Variants in FOXP1 observed in about 807,000 individuals in gnomAD.
FOXP1 encodes forkhead box P1, also known as forkhead box protein P1.
In FOXP1, 15 loss-of-function variants were observed where a neutral mutation model predicts 98.2. That is an observed-to-expected ratio of 0.15 (90% CI 0.10 to 0.24). FOXP1 has a LOEUF of 0.24. Among genes scored for constraint, FOXP1 ranks in the 10% least tolerant of loss-of-function variants. FOXP1 has a pLI of 1.00. For missense variants in FOXP1, 633 were observed against 848.5 expected (o/e 0.75, Z 3.15); for synonymous variants, 371 against 314.5 (o/e 1.18, Z -1.90).
At chr3:71,386,741 CAAA>C (rs5850010) in intron 3 of FOXP1, among the ~76,000 whole-genome samples, 2 of 90,972 alleles carry the variant, frequency 2.2e-5, no homozygotes, top group African/African-American at 4.7e-5. Flanking sequence ...GATTCCGTCT[CAAA>C]AAAAAAAAAA....
chr3:71,379,918 A>G (rs1376433093), intron 3 of FOXP1, among the ~76,000 whole-genome samples: 1 of 152,204 alleles, frequency 6.6e-6, no homozygotes, highest in Non-Finnish European at 1.5e-5. Context: ...AACTGATACT[A>G]TTTCTTTTAA....
At chr3:71,022,080 T>C (rs2045521976) in intron 11 of FOXP1, among the ~76,000 whole-genome samples, 1 of 152,218 alleles carries the variant, frequency 6.6e-6, no homozygotes, top group Non-Finnish European at 1.5e-5. Flanking sequence ...AAGAACTTTA[T>C]AGCTTTAGCT....
intron 11 of FOXP1, among the ~76,000 whole-genome samples, chr3:71,015,894 T>C (rs947526277): frequency 6.6e-6 from 1 of 152,232 alleles, no homozygotes; most frequent in Non-Finnish European, 1.5e-5. Context: ...TATGAAAAAG[T>C]GTTTGACAGG....
chr3:71,483,716 T>A (rs1166217934), intron 3 of FOXP1, among the ~76,000 whole-genome samples: 1 of 152,200 alleles, frequency 6.6e-6, no homozygotes, highest in Non-Finnish European at 1.5e-5. Flanking sequence ...CTAAAATGTT[T>A]ACTATCTGGC....
chr3:71,241,221 A>G (rs1409965195), intron 5 of FOXP1, among the ~76,000 whole-genome samples: 1 of 147,088 alleles, frequency 6.8e-6, no homozygotes, highest in Non-Finnish European at 1.5e-5. Flanking sequence ...AAAAAACAAA[A>G]CAAAACAAAA....
chr3:71,555,784 T>C (rs1273835500), intron 2 of FOXP1, among the ~76,000 whole-genome samples: 1 of 152,144 alleles, frequency 6.6e-6, no homozygotes, highest in Non-Finnish European at 1.5e-5. Flanking sequence ...TTAAAATCCA[T>C]TATAGAGAAG....
chr3:70,973,025 T>TCATAGTG (rs2036608336), intron 17 of FOXP1, among the ~76,000 whole-genome samples: 6 of 152,192 alleles, frequency 3.9e-5, no homozygotes, highest in Non-Finnish European at 1.5e-5. Flanking sequence ...AACTGCCCTT[T>TCATAGTG]TTAAGCCCAC....
At position 71,422,459 on chromosome 3, in the gene FOXP1, G is replaced by A. The variant is rs146606364; in HGVS notation, c.-167-63215C>T. 2.5e-3 allele frequency among the ~76,000 whole-genome samples: 381 copies of A among 152,290 alleles called. 2 individuals carry two copies. The highest frequency in any genetic ancestry group is 8.8e-3 in the African/African-American group (365 of 41,568). ...AACTCAGGTGATGCCGCGGCTGCTC[G>A]TTTGAGGACCACACTTTGAGCAGTG... On this transcript the variant is annotated intron_variant, in intron 3 of 20. Transcript: ENST00000649528.
intron 5 of FOXP1, among the ~76,000 whole-genome samples, chr3:71,221,650 T>C (rs1270455205): frequency 1.3e-5 from 2 of 152,162 alleles, no homozygotes; most frequent in Non-Finnish European, 2.9e-5. Flanking sequence ...TTTTAGTCTA[T>C]ATATAAATAT....
At chr3:71,329,777 T>G (rs1165121966) in intron 4 of FOXP1, 1 of 152,182 alleles carries the variant, frequency 6.6e-6, no homozygotes, top group African/African-American at 2.4e-5. Flanking sequence ...TTTGATAACA[T>G]TACCGCTGGA....
intron 7 of FOXP1, among the ~76,000 whole-genome samples, chr3:71,094,340 C>T (rs1382289495): frequency 7.1e-6 from 1 of 140,868 alleles, no homozygotes; most frequent in African/African-American, 2.7e-5. Flanking sequence ...AGTGCAGTGG[C>T]GTGATCTCAG....
intron 3 of FOXP1, among the ~76,000 whole-genome samples, chr3:71,392,283 C>A (rs1407879392): frequency 2.0e-5 from 3 of 152,068 alleles, no homozygotes; most frequent in African/African-American, 7.2e-5. Context: ...ACAATTAGAG[C>A]AAATCTGATG....
At chr3:71,378,069 G>A (rs1231250374) in intron 3 of FOXP1, among the ~76,000 whole-genome samples, 11 of 131,350 alleles carry the variant, frequency 8.4e-5, no homozygotes, top group African/African-American at 1.4e-4. Context: ...AATCATATGC[G>A]AAAAGGGAAT....
intron 5 of FOXP1, among the ~76,000 whole-genome samples, chr3:71,284,724 A>C (rs1233191451): frequency 3.3e-5 from 5 of 152,178 alleles, no homozygotes; most frequent in Non-Finnish European, 7.3e-5. Context: ...CTTTAAGAAC[A>C]CTTCATGACA....
At chr3:71,545,203 G>C (rs933472299) in intron 2 of FOXP1, among the ~76,000 whole-genome samples, 1 of 152,190 alleles carries the variant, frequency 6.6e-6, no homozygotes, top group Non-Finnish European at 1.5e-5. Flanking sequence ...GTCTGAGGGA[G>C]AGAAGGACTG....
rs564136633 is a variant in FOXP1, at chr3:70,977,925, G to A, written c.1251C>T (p.Val417=). Residue 417 remains valine (V), a synonymous_variant, in exon 15 of 21, where the codon GTC becomes GTT. Coordinates refer to ENST00000649528, the MANE Select transcript of FOXP1 (RefSeq NM_001349338.3). ...TTGTGATGACAGAGGGGCCTTGGGTGACGGGAGTCAGGGGGGCGGTTGGGG... is the reference window on the plus strand; with the variant it reads ...TTGTGATGACAGAGGGGCCTTGGGTAACGGGAGTCAGGGGGGCGGTTGGGG... ...PTTPTAPLTP[V]TQGPSVITTT... 1 of 1,614,186 alleles carries A rather than the reference G, an allele frequency of 6.2e-7. No individual in the cohort carries two copies. Among genetic ancestry groups the A allele is most frequent in the African/African-American group, 1.3e-5 (1 of 75,048 alleles).
At chr3:71,373,036 T>C (rs1339198586) in intron 3 of FOXP1, among the ~76,000 whole-genome samples, 1 of 152,168 alleles carries the variant, frequency 6.6e-6, no homozygotes, top group Admixed American at 6.5e-5. Flanking sequence ...AGAAGAAAAG[T>C]AGGTACTAAA....
intron 7 of FOXP1, among the ~76,000 whole-genome samples, chr3:71,082,932 T>C (rs769723575): frequency 9.2e-5 from 14 of 152,330 alleles, no homozygotes; most frequent in Admixed American, 5.9e-4. Context: ...AAAATGTCTA[T>C]ATAGCACTTA....
At chr3:71,165,053 C>T (rs2061334954) in intron 6 of FOXP1, among the ~76,000 whole-genome samples, 1 of 151,998 alleles carries the variant, frequency 6.6e-6, no homozygotes, top group Admixed American at 6.5e-5. Context: ...ATATTTCAGG[C>T]ATTTAAACGG....
Sources: allele counts gnomAD v4.1 joint callset (sites outside exome capture counted in the v4.1 genomes callset), GRCh38; gene constraint gnomAD v4.1.1; transcripts MANE v1.5; gene names NCBI Gene and HGNC (gene_info 2026-07-23, HGNC 2026-07-21).